RABGAP1L: variants seen among roughly 807,000 people sequenced by gnomAD.
The protein encoded by RABGAP1L is RAB GTPase activating protein 1 like, also known as rab GTPase-activating protein 1-like.
In RABGAP1L, 63 loss-of-function variants were observed where a neutral mutation model predicts 137.7. That is an observed-to-expected ratio of 0.46 (90% CI 0.37 to 0.56). The LOEUF is 0.56. Among genes scored for constraint, RABGAP1L ranks in the 20% least tolerant of loss-of-function variants. RABGAP1L has a pLI of 0.00. For synonymous variants in RABGAP1L, 431 were observed against 433.7 expected, an observed-to-expected ratio of 0.99 and a Z score of 0.08; for missense variants, 1,095 against 1,244.0, an observed-to-expected ratio of 0.88 and a Z score of 1.80.
chr1:174,841,841 A>T (rs1693440285), intron 19 of RABGAP1L, among the ~76,000 whole-genome samples: 1 of 151,878 alleles, frequency 6.6e-6, no homozygotes, highest in Non-Finnish European at 1.5e-5. Context: ...AATCTAAACT[A>T]TTAGCACAGA....
At chr1:174,407,855 G>A (rs1323270102) in intron 13 of RABGAP1L, among the ~76,000 whole-genome samples, 1 of 152,086 alleles carries the variant, frequency 6.6e-6, no homozygotes, top group Admixed American at 6.6e-5. Context: ...TGAGAAATAT[G>A]TGAGAACCAT....
At chr1:174,614,804 CCTT>C (rs1414834158) in intron 13 of RABGAP1L, among the ~76,000 whole-genome samples, 1 of 151,990 alleles carries the variant, frequency 6.6e-6, no homozygotes, top group East Asian at 1.9e-4. Flanking sequence ...TCTAAACTTC[CCTT>C]CTTGCTTCAT....
At chr1:174,655,118 A>G (rs1675867602) in intron 14 of RABGAP1L, among the ~76,000 whole-genome samples, 1 of 125,954 alleles carries the variant, frequency 7.9e-6, no homozygotes, top group African/African-American at 4.4e-5. Context: ...ATGCCTCATC[A>G]CCCCTTTAGG....
At chr1:174,543,908 T>C (rs12095679) in intron 13 of RABGAP1L, among the ~76,000 whole-genome samples, 50,475 of 152,106 alleles carry the variant, frequency 0.33, 10,276 homozygotes, top group African/African-American at 0.57. Flanking sequence ...TCTTTAAGAA[T>C]GTTGAATATT....
chr1:174,878,301 A>T (rs1013804254), intron 19 of RABGAP1L, among the ~76,000 whole-genome samples: 2 of 152,144 alleles, frequency 1.3e-5, no homozygotes, highest in African/African-American at 4.8e-5. Flanking sequence ...TTCTTGGCTC[A>T]CCGCAGCCGT....
At chr1:174,698,297 G>A (rs1679405236) in intron 15 of RABGAP1L, among the ~76,000 whole-genome samples, 1 of 152,118 alleles carries the variant, frequency 6.6e-6, no homozygotes, top group South Asian at 2.1e-4. Flanking sequence ...CCACTGTTTA[G>A]AGGTTTGTTC....
rs1357430355 is a variant in RABGAP1L, at chr1:174,349,678, G to A, written c.1466-21301G>A. ...TCCCGGACGAGGCGGCTGGCCGGGC[G>A]TGGGGCTGACACCCCCACCTCCCTC... On this transcript the variant is annotated intron_variant, in intron 11 of 25. Coordinates refer to ENST00000681986, the MANE Select transcript of RABGAP1L (RefSeq NM_001366446.1). Among the ~76,000 whole-genome samples, 9 of 132,606 alleles carry A rather than the reference G, an allele frequency of 6.8e-5. No individual in the cohort carries two copies. The East Asian group carries it at 7.9e-4, about 12-fold the overall frequency. 87.0% of individuals were successfully genotyped at this position (132,606 alleles called of 152,430 possible).
At chr1:174,643,182 A>G (rs902972659) in intron 14 of RABGAP1L, among the ~76,000 whole-genome samples, 6 of 152,102 alleles carry the variant, frequency 3.9e-5, no homozygotes, top group Non-Finnish European at 7.4e-5. Flanking sequence ...TGGATTCCAG[A>G]GTAGGAGCCA....
At chr1:174,514,643 A>G (rs1379121201) in intron 13 of RABGAP1L, among the ~76,000 whole-genome samples, 3 of 152,174 alleles carry the variant, frequency 2.0e-5, no homozygotes. Context: ...CCCTCAGCAA[A>G]TGTTTGCTTT....
intron 11 of RABGAP1L, among the ~76,000 whole-genome samples, chr1:174,336,179 C>T (rs570757329): frequency 6.6e-6 from 1 of 152,336 alleles, no homozygotes; most frequent in African/African-American, 2.4e-5. Context: ...GTGGTGTGAT[C>T]ATGGCTCACT....
intron 13 of RABGAP1L, among the ~76,000 whole-genome samples, chr1:174,623,399 C>A (rs972286820): frequency 3.3e-5 from 5 of 152,060 alleles, no homozygotes; most frequent in African/African-American, 1.2e-4. Context: ...CAAAACCACC[C>A]TTAAGTTCAT....
intron 24 of RABGAP1L, among the ~76,000 whole-genome samples, chr1:174,984,936 C>A (rs1172196371): frequency 6.6e-6 from 1 of 152,110 alleles, no homozygotes; most frequent in East Asian, 1.9e-4. Flanking sequence ...TGAGTGAAGA[C>A]GCAAACACAG....
intron 18 of RABGAP1L, among the ~76,000 whole-genome samples, chr1:174,772,831 T>C (rs1686231951): frequency 6.6e-6 from 1 of 152,154 alleles, no homozygotes; most frequent in Non-Finnish European, 1.5e-5. Context: ...AGTGGAATTA[T>C]ATCGTATTTG....
At chr1:174,501,389 A>T (rs144961210) in intron 13 of RABGAP1L, among the ~76,000 whole-genome samples, 1 of 152,094 alleles carries the variant, frequency 6.6e-6, no homozygotes, top group Non-Finnish European at 1.5e-5. Flanking sequence ...GGGTTTCACC[A>T]TGTTGGCCAG....
chr1:174,796,978 G>C (rs1688287755), intron 18 of RABGAP1L, among the ~76,000 whole-genome samples: 1 of 149,386 alleles, frequency 6.7e-6, no homozygotes, highest in South Asian at 2.1e-4. Context: ...CTGCATTCCA[G>C]CCTGGGCAAC....
intron 11 of RABGAP1L, among the ~76,000 whole-genome samples, chr1:174,351,246 G>A (rs1442964057): frequency 6.6e-6 from 1 of 152,160 alleles, no homozygotes; most frequent in Non-Finnish European, 1.5e-5. Flanking sequence ...CTGTGTTTGT[G>A]TACTTACTAT....
intron 13 of RABGAP1L, among the ~76,000 whole-genome samples, chr1:174,552,026 A>G (rs1666578369): frequency 6.6e-6 from 1 of 152,176 alleles, no homozygotes; most frequent in East Asian, 1.9e-4. Context: ...AAGAAATTAA[A>G]AGCTCCTGAA....
chr1:174,319,872 G>T (rs1679783132), intron 11 of RABGAP1L, among the ~76,000 whole-genome samples: 1 of 152,094 alleles, frequency 6.6e-6, no homozygotes, highest in Non-Finnish European at 1.5e-5. Context: ...CGGTTATTTA[G>T]TTAGCACTCT....
At chr1:174,535,961 A>T (rs1664856339) in intron 13 of RABGAP1L, among the ~76,000 whole-genome samples, 1 of 152,192 alleles carries the variant, frequency 6.6e-6, no homozygotes. Flanking sequence ...GTGCCTGCAC[A>T]TTAGTAGGCA....
Sources: allele counts gnomAD v4.1 joint callset (sites outside exome capture counted in the v4.1 genomes callset), GRCh38; gene constraint gnomAD v4.1.1; transcripts MANE v1.5; gene names NCBI Gene and HGNC (gene_info 2026-07-23, HGNC 2026-07-21).